CDH12: variants seen among roughly 807,000 people sequenced by gnomAD.
CDH12 encodes cadherin-12.
CDH12 carries 41 observed loss-of-function variants against 74.1 expected under a neutral mutation model. The ratio of observed to expected loss-of-function variants is 0.55; its 90% CI spans 0.43 to 0.72. The LOEUF is 0.72. Among genes scored for constraint, CDH12 ranks in the 30% least tolerant of loss-of-function variants. The probability of loss-of-function intolerance (pLI) is 0.00; values close to 1 mark genes in which losing one functional copy is unlikely to be tolerated. For synonymous variants in CDH12, 399 were observed against 355.0 expected (o/e 1.12, Z -1.39); for missense variants, 945 against 977.2 (o/e 0.97, Z 0.44).
chr5:22,586,038 C>A (rs1379996168), intron 1 of CDH12, among the ~76,000 whole-genome samples: 1 of 152,122 alleles, frequency 6.6e-6, no homozygotes, highest in East Asian at 1.9e-4. Flanking sequence ...GACACATGCA[C>A]ACGTATGTTT....
intron 4 of CDH12, among the ~76,000 whole-genome samples, chr5:22,177,250 T>C (rs1749390787): frequency 6.6e-6 from 1 of 152,164 alleles, no homozygotes; most frequent in South Asian, 2.1e-4. Context: ...AATCACAAAT[T>C]TCCCTACCTA....
chr5:22,164,015 A>C (rs60551517), intron 4 of CDH12, among the ~76,000 whole-genome samples: 6,265 of 152,312 alleles, frequency 0.041, 428 homozygotes, highest in African/African-American at 0.14. Context: ...ATGAATCTGT[A>C]GATTCCAGGT....
chr5:21,869,150 G>A (rs1359133185), intron 6 of CDH12, among the ~76,000 whole-genome samples: 1 of 152,206 alleles, frequency 6.6e-6, no homozygotes, highest in Non-Finnish European at 1.5e-5. Flanking sequence ...TGGCTGGGGT[G>A]ATTGATCTAG....
Position 21,881,523 on chromosome 5 carries a change from A to G in CDH12, c.527-26733T>C, listed in dbSNP as rs549465246. Among the ~76,000 whole-genome samples the G allele has an allele frequency of 3.9e-5, 6 of 152,312 alleles. No individual in the cohort carries two copies. The South Asian group carries it at 1.2e-3, about 32-fold the overall frequency. ...CTAGTCCACCTCCAGGGAACAGAGA[A>G]GTTCTTCATAAAATAACTAAGCTGT... On this transcript the variant is annotated intron_variant, in intron 6 of 14. Coordinates refer to ENST00000382254, the MANE Select transcript of CDH12 (RefSeq NM_004061.5).
Position 22,661,453 on chromosome 5 carries a change from C to T in CDH12, c.-522-156089G>A, listed in dbSNP as rs548323530. On this transcript the variant is annotated intron_variant, in intron 1 of 14. Coordinates refer to ENST00000382254, the MANE Select transcript of CDH12 (RefSeq NM_004061.5). ...TTCTCAAATAAACATATTCTTTCTGCGTACAGAGACTATTTTTTAGGAAAT... is the reference window on the plus strand; with the variant it reads ...TTCTCAAATAAACATATTCTTTCTGTGTACAGAGACTATTTTTTAGGAAAT... Among the ~76,000 whole-genome samples, 10 of 152,140 alleles carry T rather than the reference C, an allele frequency of 6.6e-5. No homozygotes were observed. In the South Asian group the frequency reaches 1.0e-3, roughly 16 times the overall value.
At chr5:22,808,870 G>T (rs1012401821) in intron 1 of CDH12, among the ~76,000 whole-genome samples, 3 of 146,870 alleles carry the variant, frequency 2.0e-5, no homozygotes, top group South Asian at 2.2e-4. Flanking sequence ...GCCTCCTGAA[G>T]TGCTGGGATT....
At chr5:22,412,481 A>G (rs1207069978) in intron 2 of CDH12, among the ~76,000 whole-genome samples, 7 of 151,872 alleles carry the variant, frequency 4.6e-5, no homozygotes, top group African/African-American at 9.7e-5. Context: ...CCACCTCCAT[A>G]AGCTAAACAC....
At chr5:22,024,411 TA>T (rs931086596) in intron 5 of CDH12, among the ~76,000 whole-genome samples, 1 of 152,176 alleles carries the variant, frequency 6.6e-6, no homozygotes, top group Non-Finnish European at 1.5e-5. Context: ...TGACTATTTC[TA>T]AAAAATCTAG....
chr5:22,833,001 A>G (rs1188561460), intron 1 of CDH12, among the ~76,000 whole-genome samples: 1 of 152,140 alleles, frequency 6.6e-6, no homozygotes, highest in Non-Finnish European at 1.5e-5. Flanking sequence ...TTTTCTCTTA[A>G]AATATATATT....
intron 6 of CDH12, among the ~76,000 whole-genome samples, chr5:21,957,829 G>C (rs1052790006): frequency 6.6e-6 from 1 of 151,970 alleles, no homozygotes; most frequent in African/African-American, 2.4e-5. Flanking sequence ...TTTGTCAGAC[G>C]CATAGTTTGC....
chr5:22,768,034 AG>A (rs1350414652), intron 1 of CDH12, among the ~76,000 whole-genome samples: 2 of 152,042 alleles, frequency 1.3e-5, no homozygotes, highest in Non-Finnish European at 2.9e-5. Flanking sequence ...AAAAAAGACA[AG>A]GAAAATTTGA....
chr5:22,748,090 A>G (rs980580581), intron 1 of CDH12, among the ~76,000 whole-genome samples: 3 of 152,232 alleles, frequency 2.0e-5, no homozygotes, highest in Non-Finnish European at 4.4e-5. Context: ...CTTTTTCAAG[A>G]GAATAAACTA....
At chr5:22,130,748 A>C (rs945272379) in intron 4 of CDH12, among the ~76,000 whole-genome samples, 1 of 152,074 alleles carries the variant, frequency 6.6e-6, no homozygotes, top group African/African-American at 2.4e-5. Flanking sequence ...ATACAATAAA[A>C]CATATATTAA....
chr5:21,905,322 G>A (rs937770572), intron 6 of CDH12, among the ~76,000 whole-genome samples: 3 of 152,160 alleles, frequency 2.0e-5, no homozygotes, highest in Non-Finnish European at 4.4e-5. Context: ...ACAAAGATTT[G>A]GGAGAATCCC....
At chr5:21,975,428 G>C in intron 5 of CDH12, 43 bp from the exon 6 acceptor site, 1 of 1,398,288 alleles carries the variant, frequency 7.2e-7, no homozygotes, top group South Asian at 1.4e-5. Flanking sequence ...GAAAGAGAAG[G>C]ACAAAGAAAG....
intron 1 of CDH12, among the ~76,000 whole-genome samples, chr5:22,559,363 A>G (rs982189509): frequency 6.6e-6 from 1 of 152,056 alleles, no homozygotes; most frequent in Non-Finnish European, 1.5e-5. Flanking sequence ...TCAGCGAAAA[A>G]ATTTTTAAAG....
chr5:22,041,174 C>T (rs1204028300), intron 5 of CDH12, among the ~76,000 whole-genome samples: 1 of 151,640 alleles, frequency 6.6e-6, no homozygotes, highest in South Asian at 2.1e-4. Context: ...CCACAAAACA[C>T]AAATATATAG....
chr5:22,387,055 A>C (rs1334935811), intron 3 of CDH12, among the ~76,000 whole-genome samples: 2 of 152,016 alleles, frequency 1.3e-5, no homozygotes, highest in African/African-American at 4.8e-5. Context: ...ACAAATTATA[A>C]CTCAGATACT....
chr5:22,321,355 G>C (rs1738872207), intron 3 of CDH12, among the ~76,000 whole-genome samples: 1 of 147,820 alleles, frequency 6.8e-6, no homozygotes, highest in African/African-American at 2.5e-5. Flanking sequence ...GGACATGGAT[G>C]AAATTGGAAA....
Sources: allele counts gnomAD v4.1 joint callset (sites outside exome capture counted in the v4.1 genomes callset), GRCh38; gene constraint gnomAD v4.1.1; transcripts MANE v1.5; gene names NCBI Gene and HGNC (gene_info 2026-07-23, HGNC 2026-07-21).